The following SLC25A34 variants were observed in gnomAD, a reference collection of about 807,000 sequenced individuals.
SLC25A34 encodes solute carrier family 25 member 34.
A neutral mutation model predicts 28.1 loss-of-function variants in SLC25A34; 26 were observed. That is an observed-to-expected ratio of 0.93 (90% CI 0.68 to 1.28). SLC25A34 has a LOEUF of 1.28. SLC25A34 is among the 50% of genes most tolerant of loss of function. The probability of loss-of-function intolerance (pLI) is 0.00; values close to 1 mark genes in which losing one functional copy is unlikely to be tolerated. For synonymous variants in SLC25A34, 182 were observed against 182.2 expected, an observed-to-expected ratio of 1.00 and a Z score of 0.01; for missense variants, 384 against 409.8, an observed-to-expected ratio of 0.94 and a Z score of 0.54.
Position 15,737,956 on chromosome 1 carries a change from G to C in SLC25A34, c.406G>C (p.Val136Leu). ...LIKTQLQAQT[V>L]AAVAVGHQHN... ...CAAAACGCAGCTGCAAGCTCAGACA[G>C]TGGCCGCAGTGGCCGTGGGACACCA... Residue 136 changes from valine (V) to leucine (L), a missense_variant, in exon 2 of 5, where the codon GTG becomes CTG. Val to Leu is a conservative substitution (Grantham distance 32, BLOSUM62 1). Coordinates refer to ENST00000294454, the MANE Select transcript of SLC25A34 (RefSeq NM_207348.3). 1 of 1,614,012 alleles carries C rather than the reference G, an allele frequency of 6.2e-7. No homozygotes were observed. Among genetic ancestry groups the C allele is most frequent in the Non-Finnish European group, 8.5e-7 (1 of 1,180,038 alleles).
chr1:15,739,761 C>T lies in SLC25A34; in HGVS notation c.*355C>T, dbSNP rs907052884. 3 of 194,828 alleles carry T rather than the reference C, an allele frequency of 1.5e-5. No individual in the cohort carries two copies. Among genetic ancestry groups the T allele is most frequent in the Non-Finnish European group, 2.1e-5 (2 of 96,366 alleles). 12.1% of individuals were successfully genotyped at this position (194,828 alleles called of 1,614,324 possible). A position where few individuals can be genotyped will look rare whatever the true frequency, so the allele number is the denominator to read the frequency against. On this transcript the variant is annotated 3_prime_UTR_variant, in exon 5 of 5. Transcript: ENST00000294454. ...CTCACTTAGGCCTCAGACAGCAGCA[C>T]GAGGCAGGCACTTTTACTTCTTTTA...
intron 2 of SLC25A34, 28 bp downstream of exon 2, chr1:15,738,022 TG>T (rs1270003437): frequency 6.2e-7 from 1 of 1,613,822 alleles, no homozygotes; most frequent in Non-Finnish European, 8.5e-7. Flanking sequence ...CAGAGCTCCC[TG>T]GGGGCATGGA....
chr1:15,739,082 C>G (rs987850224), intron 4 of SLC25A34, 142 bp from the exon 5 acceptor site: 11 of 1,076,596 alleles, frequency 1.0e-5, no homozygotes, highest in African/African-American at 1.6e-5. Context: ...CTTCCCATGG[C>G]GCCGCAGCCT....
intron 1 of SLC25A34, among the ~76,000 whole-genome samples, chr1:15,737,156 C>A (rs1451092302): frequency 6.6e-6 from 1 of 152,252 alleles, no homozygotes; most frequent in Admixed American, 6.5e-5. Flanking sequence ...TCTCTTCCCG[C>A]ATGGCCTCAT....
At chr1:15,738,822 A>C in intron 4 of SLC25A34, 94 bp downstream of exon 4, 1 of 1,098,604 alleles carries the variant, frequency 9.1e-7, no homozygotes, top group Non-Finnish European at 1.2e-6. Context: ...ACTCACACTC[A>C]CACATGCACA....
chr1:15,738,873 T>A, intron 4 of SLC25A34, 145 bp downstream of exon 4: 1 of 1,151,366 alleles, frequency 8.7e-7, no homozygotes, highest in Non-Finnish European at 1.2e-6. Context: ...GCAAACACAT[T>A]AACTGGGCTT....
At chr1:15,736,967 T>TGGGGC in intron 1 of SLC25A34, 104 bp downstream of exon 1, 1 of 1,374,760 alleles carries the variant, frequency 7.3e-7, no homozygotes, top group Non-Finnish European at 9.5e-7. Flanking sequence ...CTGGGTGGGG[T>TGGGGC]GGGGCAGCCG....
At position 15,739,482 on chromosome 1, in the gene SLC25A34, C is replaced by A. The variant is rs1337878917; in HGVS notation, c.*76C>A. On this transcript the variant is annotated 3_prime_UTR_variant, in exon 5 of 5. Coordinates refer to ENST00000294454, the MANE Select transcript of SLC25A34 (RefSeq NM_207348.3). ...TGAGAGCCTGCTCCAGGACAACTGG[C>A]TGTCCCGGGGCGGGCCATGGGCCCA... 4.8e-6 allele frequency: 7 copies of A among 1,462,902 alleles called. No homozygotes were observed. The East Asian group carries it at 1.0e-4, about 21-fold the overall frequency. 90.6% of individuals were successfully genotyped at this position (1,462,902 alleles called of 1,614,324 possible).
rs1401933837 is a variant in SLC25A34 at position 15,740,255 on chromosome 1, C to A, written c.*849C>A. On this transcript the variant is annotated 3_prime_UTR_variant, in exon 5 of 5. Coordinates refer to ENST00000294454, the MANE Select transcript of SLC25A34 (RefSeq NM_207348.3). ...GGACACAAATCATGTTGGCTTAGGG[C>A]CCACCCTCATGACCCCACTTTAATT... 6.6e-6 allele frequency: 1 copy of A among 151,810 alleles called. No homozygotes were observed. Among genetic ancestry groups the A allele is most frequent in the Non-Finnish European group, 1.5e-5 (1 of 68,014 alleles). 9.4% of individuals were successfully genotyped at this position (151,810 alleles called of 1,614,324 possible).
Position 15,739,483 on chromosome 1 carries a change from T to C in SLC25A34, c.*77T>C. 2 of 1,463,650 alleles carry C rather than the reference T, an allele frequency of 1.4e-6. No homozygotes were observed. Among genetic ancestry groups the C allele is most frequent in the African/African-American group, 2.9e-5 (2 of 69,606 alleles). The allele number at this position is 1,463,650 out of a possible 1,614,324, so 90.7% of individuals were successfully genotyped here. A position where few individuals can be genotyped will look rare whatever the true frequency, so the allele number is the denominator to read the frequency against. ...GAGAGCCTGCTCCAGGACAACTGGC[T>C]GTCCCGGGGCGGGCCATGGGCCCAG... On this transcript the variant is annotated 3_prime_UTR_variant, in exon 5 of 5. Coordinates refer to ENST00000294454, the MANE Select transcript of SLC25A34 (RefSeq NM_207348.3).
In SLC25A34 at chr1:15,738,710, G is replaced by A. The variant is rs76359565; in HGVS notation, c.714G>A (p.Pro238=). 1.2e-3 allele frequency: 1,826 copies of A among 1,583,084 alleles called. 26 individuals are homozygous for A. The African/African-American group carries it at 0.018, about 16-fold the overall frequency. Residue 238 remains proline (P), a synonymous_variant, in exon 4 of 5, where the codon CCG becomes CCA. Coordinates refer to ENST00000294454, the MANE Select transcript of SLC25A34 (RefSeq NM_207348.3). The part of the protein sequence containing the change: ...DVVSTRLYNQ[P]VDTAGRGQLY... ...TCAGCACGCGGCTATACAATCAGCC[G>A]GTGGACACAGCTGGCAGGGTGAGCA...
At chr1:15,737,430 C>T (rs967848562) in intron 1 of SLC25A34, among the ~76,000 whole-genome samples, 1 of 151,986 alleles carries the variant, frequency 6.6e-6, no homozygotes, top group Non-Finnish European at 1.5e-5. Flanking sequence ...ATTAGCTGGG[C>T]GTGGTGATGC....
At position 15,736,666 on chromosome 1, in the gene SLC25A34, G is replaced by T; in HGVS notation, c.181G>T (p.Ala61Ser). The T allele has an allele frequency of 6.2e-7, 1 of 1,603,760 alleles. No individual in the cohort carries two copies. The highest frequency in any genetic ancestry group is 8.5e-7 in the Non-Finnish European group (1 of 1,176,194). Residue 61 changes from alanine (A) to serine (S), a missense_variant, in exon 1 of 5, where the codon GCC (alanine) becomes TCC (serine). Physicochemically the swap from Ala to Ser is moderately conservative, Grantham distance 99. Coordinates refer to ENST00000294454, the MANE Select transcript of SLC25A34 (RefSeq NM_207348.3). ...HGFIASVAAV[A>S]RADGLWGLQK... is the part of the protein sequence containing the mutation. ...CTTCATAGCCTCTGTCGCTGCTGTG[G>T]CCCGAGCAGACGGGCTGTGGGGCCT...
Position 15,736,411 on chromosome 1 carries a change from C to CA in SLC25A34, c.-74dup. On this transcript the variant is annotated 5_prime_UTR_variant, in exon 1 of 5. It removes the in-frame stop codon of an upstream open reading frame in the 5' UTR. Transcript: ENST00000294454. The stretch of plus-strand genomic sequence containing the variant: ...CCCCGTAGCCCTGCGAGGTTACAGA[C>CA]AGCCTAAACGCCACCACCACAGGGC... 5.9e-6 allele frequency: 8 copies of CA among 1,351,296 alleles called. No homozygotes were observed. The highest frequency in any genetic ancestry group is 7.6e-6 in the Non-Finnish European group (8 of 1,055,480). The allele number at this position is 1,351,296 out of a possible 1,614,324, so 83.7% of individuals were successfully genotyped here.
Position 15,740,181 on chromosome 1 carries a change from A to G in SLC25A34, c.*775A>G, listed in dbSNP as rs1301172451. The G allele has an allele frequency of 6.6e-6, 1 of 152,044 alleles. No individual in the cohort carries two copies. The highest frequency in any genetic ancestry group is 1.5e-5 in the Non-Finnish European group (1 of 68,034). 9.4% of individuals were successfully genotyped at this position (152,044 alleles called of 1,614,324 possible). A position where few individuals can be genotyped will look rare whatever the true frequency, so the allele number is the denominator to read the frequency against. Reference sequence around the variant, plus strand: ...TGCTGCTTTCTCTCTGTGTCTGCACATGGTGGTCCCTCGATGTGCGTCTGG... The same window carrying G: ...TGCTGCTTTCTCTCTGTGTCTGCACGTGGTGGTCCCTCGATGTGCGTCTGG... On this transcript the variant is annotated 3_prime_UTR_variant, in exon 5 of 5. Transcript: ENST00000294454.
Position 15,736,782 on chromosome 1 carries a change from C to T in SLC25A34, c.297C>T (p.Leu99=). ...YCYSLACQAG[L]TQQPGGTVVA... ...ACAGCCTGGCGTGCCAGGCTGGCCT[C>T]ACGCAGCAACCAGGTGGCACCGTGG... The change falls in exon 1 of 5, where the codon CTC becomes CTT. Residue 99 remains leucine, a synonymous_variant. Transcript: ENST00000294454. 6.2e-7 allele frequency: 1 copy of T among 1,606,098 alleles called. No individual in the cohort carries two copies.
intron 4 of SLC25A34, 28 bp from the exon 5 acceptor site, chr1:15,739,196 G>A (rs756817118): frequency 1.9e-6 from 3 of 1,605,774 alleles, no homozygotes; most frequent in Non-Finnish European, 2.6e-6. Context: ...GGCCCCTGTA[G>A]TAACACTCAC....
At chr1:15,738,756 C>T (rs776536450) in intron 4 of SLC25A34, 28 bp downstream of exon 4, 14 of 1,498,862 alleles carry the variant, frequency 9.3e-6, no homozygotes, top group African/African-American at 5.7e-5. Flanking sequence ...TAGGGGAGAC[C>T]GTGGGGAGCT....
intron 1 of SLC25A34, 178 bp downstream of exon 1, chr1:15,737,041 T>C (rs1040092869): frequency 1.1e-6 from 1 of 892,368 alleles, no homozygotes; most frequent in African/African-American, 1.7e-5. Flanking sequence ...GCCCAGGGCC[T>C]TGCTCTGATC....
Sources: allele counts gnomAD v4.1 joint callset (sites outside exome capture counted in the v4.1 genomes callset), GRCh38; gene constraint gnomAD v4.1.1; transcripts MANE v1.5; gene names NCBI Gene and HGNC (gene_info 2026-07-23, HGNC 2026-07-21).